The following TECRL variants were observed in gnomAD, a reference collection of about 807,000 sequenced individuals.
TECRL encodes the protein trans-2,3-enoyl-CoA reductase like, also known as trans-2,3-enoyl-CoA reductase-like.
A neutral mutation model predicts 52.8 loss-of-function variants in TECRL; 63 were observed. The ratio of observed to expected loss-of-function variants is 1.19; its 90% CI spans 0.97 to 1.47. TECRL has a LOEUF of 1.47. TECRL is among the 40% of genes most tolerant of loss of function. The pLI is 0.00. For synonymous variants in TECRL, 164 were observed against 141.9 expected (o/e 1.16, Z -1.10); for missense variants, 482 against 429.6 (o/e 1.12, Z -1.08).
At chr4:64,391,653 T>C (rs957796222) in intron 1 of TECRL, among the ~76,000 whole-genome samples, 4 of 151,908 alleles carry the variant, frequency 2.6e-5, no homozygotes, top group Admixed American at 2.6e-4. Flanking sequence ...TATTATTGAC[T>C]AGAGATCCTA....
intron 2 of TECRL, among the ~76,000 whole-genome samples, chr4:64,356,363 A>G (rs541491960): frequency 7.2e-5 from 11 of 152,214 alleles, no homozygotes; most frequent in African/African-American, 2.6e-4. Context: ...GAGGAAGGCC[A>G]CTGTCTCTTG....
chr4:64,304,745 T>A (rs1252741126), intron 7 of TECRL, among the ~76,000 whole-genome samples: 1 of 152,068 alleles, frequency 6.6e-6, no homozygotes. Context: ...GTAAATCAAA[T>A]CATAAATAGA....
chr4:64,408,987 C>A, intron 1 of TECRL, 131 bp downstream of exon 1: 2 of 825,756 alleles, frequency 2.4e-6, no homozygotes, highest in East Asian at 2.7e-5. Flanking sequence ...CTGTTCACCA[C>A]AAAATTAAGG....
chr4:64,346,091 A>C (rs1382387042), intron 2 of TECRL, among the ~76,000 whole-genome samples: 1 of 152,092 alleles, frequency 6.6e-6, no homozygotes, highest in Non-Finnish European at 1.5e-5. Flanking sequence ...CTCTTTAATA[A>C]AAATAATGAA....
chr4:64,385,611 G>T (rs1394098660), intron 1 of TECRL, among the ~76,000 whole-genome samples: 1 of 152,092 alleles, frequency 6.6e-6, no homozygotes, highest in Non-Finnish European at 1.5e-5. Context: ...TGTCAGTGGG[G>T]CTCTAGGAAT....
At chr4:64,281,719 A>C (rs887004436) in intron 9 of TECRL, among the ~76,000 whole-genome samples, 160 bp from the exon 10 acceptor site, 1 of 151,960 alleles carries the variant, frequency 6.6e-6, no homozygotes. Flanking sequence ...GAAGAGACCC[A>C]GCTTTAAATG....
chr4:64,393,494 A>C (rs947594237), intron 1 of TECRL, among the ~76,000 whole-genome samples: 14 of 152,050 alleles, frequency 9.2e-5, no homozygotes, highest in African/African-American at 3.1e-4. Flanking sequence ...TTGTATAATA[A>C]TTTTACAAAT....
chr4:64,312,465 T>C (rs1012806612), intron 5 of TECRL, among the ~76,000 whole-genome samples: 2 of 152,304 alleles, frequency 1.3e-5, no homozygotes, highest in South Asian at 4.1e-4. Flanking sequence ...GCTGTATTTC[T>C]GTTTAAGAAT....
chr4:64,280,229 C>T (rs1366431650), intron 11 of TECRL, 30 bp from the exon 12 acceptor site: 1 of 1,350,694 alleles, frequency 7.4e-7, no homozygotes, highest in Non-Finnish European at 9.6e-7. Context: ...ATTATTATTT[C>T]TTTCTTATTT....
At chr4:64,403,781 G>A (rs1724523791) in intron 1 of TECRL, among the ~76,000 whole-genome samples, 1 of 151,120 alleles carries the variant, frequency 6.6e-6, no homozygotes, top group African/African-American at 2.4e-5. Context: ...GAAGACTGAG[G>A]GGGCATGGGG....
At chr4:64,345,932 C>CATTTATCATA (rs1243344976) in intron 2 of TECRL, among the ~76,000 whole-genome samples, 2 of 12,548 alleles carry the variant, frequency 1.6e-4, no homozygotes, top group Non-Finnish European at 3.1e-4. Context: ...AAAAAAAAAA[C>CATTTATCATA]ATTTATCATA....
chr4:64,384,097 G>A (rs990536992), intron 1 of TECRL, among the ~76,000 whole-genome samples: 3 of 152,104 alleles, frequency 2.0e-5, no homozygotes, highest in Non-Finnish European at 4.4e-5. Context: ...GGTGGGTAAT[G>A]CTTAGACATC....
chr4:64,286,751 A>G (rs1278234786), intron 9 of TECRL, among the ~76,000 whole-genome samples: 2 of 152,166 alleles, frequency 1.3e-5, no homozygotes, highest in African/African-American at 2.4e-5. Context: ...AGCAAGATAA[A>G]GAGTGAACAT....
intron 7 of TECRL, among the ~76,000 whole-genome samples, chr4:64,300,628 T>G (rs1034257870): frequency 6.6e-6 from 1 of 150,962 alleles, no homozygotes; most frequent in Non-Finnish European, 1.5e-5. Flanking sequence ...ATAATAAAAA[T>G]AGAATTATTT....
intron 1 of TECRL, among the ~76,000 whole-genome samples, chr4:64,384,580 C>T (rs2109721429): frequency 6.6e-6 from 1 of 152,134 alleles, no homozygotes; most frequent in South Asian, 2.1e-4. Flanking sequence ...CCCTAGAATG[C>T]ATTTATAGGT....
intron 4 of TECRL, among the ~76,000 whole-genome samples, chr4:64,318,183 A>G (rs1214590104): frequency 6.6e-6 from 1 of 152,182 alleles, no homozygotes; most frequent in Non-Finnish European, 1.5e-5. Context: ...AGGTATACAA[A>G]GACCAAACAG....
chr4:64,281,703 T>C (rs1323698336), intron 9 of TECRL, 144 bp from the exon 10 acceptor site: 2 of 525,132 alleles, frequency 3.8e-6, no homozygotes, highest in African/African-American at 2.0e-5. Flanking sequence ...TTTTGCAAAT[T>C]ACTCAGAAGA....
chr4:64,308,668 T>C (rs1247045468), intron 6 of TECRL, among the ~76,000 whole-genome samples: 1 of 152,208 alleles, frequency 6.6e-6, no homozygotes. Flanking sequence ...AGTGGCCATG[T>C]GTCTTAATTC....
intron 6 of TECRL, among the ~76,000 whole-genome samples, chr4:64,306,880 A>T (rs1349290586): frequency 6.6e-6 from 1 of 152,134 alleles, no homozygotes; most frequent in African/African-American, 2.4e-5. Context: ...TCTCTTTCAA[A>T]CCTCTGTCTG....
Sources: allele counts gnomAD v4.1 joint callset (sites outside exome capture counted in the v4.1 genomes callset), GRCh38; gene constraint gnomAD v4.1.1; transcripts MANE v1.5; gene names NCBI Gene and HGNC (gene_info 2026-07-23, HGNC 2026-07-21).